SND1: variants seen among roughly 807,000 people sequenced by gnomAD.
The protein encoded by SND1 is staphylococcal nuclease and tudor domain containing 1.
SND1 carries 38 observed loss-of-function variants against 121.7 expected under a neutral mutation model. The observed-to-expected ratio is 0.31, with a 90% CI of 0.24 to 0.41. The LOEUF is 0.41. Ranked by LOEUF, SND1 falls within the 10% of genes least tolerant of loss-of-function variation. The pLI is 1.00. For missense variants in SND1, 868 were observed against 1,184.6 expected, an observed-to-expected ratio of 0.73 and a Z score of 3.92; for synonymous variants, 401 against 447.4, an observed-to-expected ratio of 0.90 and a Z score of 1.31.
chr7:127,734,745 C>T (rs1450724358), intron 10 of SND1, among the ~76,000 whole-genome samples: 1 of 152,132 alleles, frequency 6.6e-6, no homozygotes, highest in Non-Finnish European at 1.5e-5. Context: ...GAAATCTTGT[C>T]CTTGTTCTGA....
chr7:128,028,699 C>T (rs1450309413), intron 16 of SND1: 1 of 1,613,108 alleles, frequency 6.2e-7, no homozygotes, highest in Admixed American at 1.7e-5. Context: ...GTTTCCTGTA[C>T]CTTGTCCTTG....
At chr7:127,907,452 G>A (rs1800363756) in intron 14 of SND1, among the ~76,000 whole-genome samples, 1 of 152,238 alleles carries the variant, frequency 6.6e-6, no homozygotes, top group African/African-American at 2.4e-5. Context: ...TGGTTTCACA[G>A]AGGTTTCTTA....
At chr7:128,017,286 G>T (rs990903557) in intron 16 of SND1, among the ~76,000 whole-genome samples, 2 of 152,094 alleles carry the variant, frequency 1.3e-5, no homozygotes, top group Non-Finnish European at 2.9e-5. Flanking sequence ...GCCTAGATGG[G>T]GACTTACAGA....
At chr7:127,895,587 C>T (rs1443129762) in intron 13 of SND1, among the ~76,000 whole-genome samples, 2 of 152,082 alleles carry the variant, frequency 1.3e-5, no homozygotes, top group African/African-American at 4.8e-5. Flanking sequence ...TGGAGGGTTT[C>T]GCTGTTGGGG....
At chr7:128,034,593 G>A (rs1019255817) in intron 16 of SND1, among the ~76,000 whole-genome samples, 2 of 152,288 alleles carry the variant, frequency 1.3e-5, no homozygotes, top group East Asian at 1.9e-4. Context: ...CTGCTGCCCC[G>A]CACTATAAAG....
At chr7:128,066,154 C>G (rs1793309893) in intron 16 of SND1, among the ~76,000 whole-genome samples, 1 of 152,240 alleles carries the variant, frequency 6.6e-6, no homozygotes, top group African/African-American at 2.4e-5. Flanking sequence ...CTCACTGCCT[C>G]AGGCAGGACC....
intron 14 of SND1, among the ~76,000 whole-genome samples, chr7:127,922,356 C>T (rs1357154381): frequency 6.6e-6 from 1 of 151,920 alleles, no homozygotes; most frequent in East Asian, 1.9e-4. Context: ...ATTCCTCTAA[C>T]ATTATTTCAC....
chr7:127,781,381 G>A (rs1051348940), intron 10 of SND1, among the ~76,000 whole-genome samples: 15 of 150,942 alleles, frequency 9.9e-5, no homozygotes, highest in Admixed American at 2.0e-4. Flanking sequence ...GTTCCTCCCC[G>A]CCCCCCCTTC....
chr7:127,976,086 C>T (rs1266257617), intron 15 of SND1, among the ~76,000 whole-genome samples: 2 of 152,206 alleles, frequency 1.3e-5, no homozygotes, highest in Non-Finnish European at 2.9e-5. Flanking sequence ...GGTGAGTGAG[C>T]ACAGACAAGT....
intron 11 of SND1, among the ~76,000 whole-genome samples, chr7:127,840,327 T>C (rs1798940351): frequency 6.6e-6 from 1 of 152,196 alleles, no homozygotes; most frequent in African/African-American, 2.4e-5. Flanking sequence ...GACCCAAAGA[T>C]GTTACGTGCC....
intron 16 of SND1, among the ~76,000 whole-genome samples, chr7:128,008,894 T>C (rs1206041085): frequency 1.3e-5 from 2 of 152,162 alleles, no homozygotes; most frequent in East Asian, 1.9e-4. Flanking sequence ...AAAGCACAGC[T>C]AAATGGAGCT....
At chr7:128,038,646 G>A (rs1792794963) in intron 16 of SND1, among the ~76,000 whole-genome samples, 1 of 150,510 alleles carries the variant, frequency 6.6e-6, no homozygotes, top group Non-Finnish European at 1.5e-5. Context: ...TTTAAGGTAT[G>A]AGATGTTTTT....
At chr7:127,756,070 G>T (rs553138029) in intron 10 of SND1, among the ~76,000 whole-genome samples, 4 of 152,182 alleles carry the variant, frequency 2.6e-5, no homozygotes, top group Non-Finnish European at 5.9e-5. Context: ...CTTAAAAAAG[G>T]CTATCAGCCT....
chr7:128,077,552 G>A (rs1793527123), intron 17 of SND1, among the ~76,000 whole-genome samples: 1 of 152,246 alleles, frequency 6.6e-6, no homozygotes, highest in African/African-American at 2.4e-5. Context: ...GTCTTGCTCT[G>A]TAGCTGGGGC....
At chr7:127,949,246 C>T (rs1563067623) in intron 15 of SND1, 1 of 152,342 alleles carries the variant, frequency 6.6e-6, no homozygotes, top group East Asian at 1.9e-4. Context: ...TCATTCTGTT[C>T]TTCCACCTCA....
intron 1 of SND1, among the ~76,000 whole-genome samples, chr7:127,678,423 G>A (rs974197609): frequency 1.3e-5 from 2 of 152,180 alleles, no homozygotes; most frequent in African/African-American, 2.4e-5. Flanking sequence ...GCAGCAACTT[G>A]TGCTTGTACC....
rs375151600 is a variant in SND1 at position 127,725,753 on chromosome 7, AAC to A, written c.1152+4355_1152+4356del. 1.3e-3 allele frequency among the ~76,000 whole-genome samples: 202 copies of A among 152,268 alleles called. 1 individual carries two copies. The highest frequency in any genetic ancestry group is 3.5e-3 in the South Asian group (17 of 4,818). On this transcript the variant is annotated intron_variant, in intron 10 of 23. Coordinates refer to ENST00000354725, the MANE Select transcript of SND1 (RefSeq NM_014390.4). ...TACCAGAGCCTTTTCCAAACCAAAG[AAC>A]AAAGCGGGAGAGGGTGCAGAATAAG...
chr7:127,882,226 C>T (rs1799804949), intron 12 of SND1, among the ~76,000 whole-genome samples: 1 of 151,552 alleles, frequency 6.6e-6, no homozygotes, highest in Non-Finnish European at 1.5e-5. Flanking sequence ...TGCACTGTAG[C>T]CTGGGTGACA....
At chr7:127,708,361 CCCTT>C (rs1436539994) in intron 9 of SND1, among the ~76,000 whole-genome samples, 6 of 150,844 alleles carry the variant, frequency 4.0e-5, no homozygotes, top group Middle Eastern at 3.4e-3. Context: ...CTCCCTCCCT[CCCTT>C]CCTTCCTTTC....
Sources: allele counts gnomAD v4.1 joint callset (sites outside exome capture counted in the v4.1 genomes callset), GRCh38; gene constraint gnomAD v4.1.1; transcripts MANE v1.5; gene names NCBI Gene and HGNC (gene_info 2026-07-23, HGNC 2026-07-21).